ADGRD1: variants seen among roughly 807,000 people sequenced by gnomAD.
ADGRD1 encodes the protein adhesion G protein-coupled receptor D1.
A neutral mutation model predicts 113.4 loss-of-function variants in ADGRD1; 77 were observed. The ratio of observed to expected loss-of-function variants is 0.68; its 90% CI spans 0.57 to 0.82. The LOEUF (loss-of-function observed/expected upper bound fraction) is 0.82. Ranked by LOEUF, ADGRD1 falls within the 40% of genes least tolerant of loss-of-function variation. The probability of loss-of-function intolerance (pLI) is 0.00; values close to 1 mark genes in which losing one functional copy is unlikely to be tolerated. For synonymous variants in ADGRD1, 474 were observed against 475.0 expected, an observed-to-expected ratio of 1.00 and a Z score of 0.03; for missense variants, 1,036 against 1,139.1, an observed-to-expected ratio of 0.91 and a Z score of 1.30.
At chr12:131,104,983 C>T in intron 16 of ADGRD1, 49 bp downstream of exon 16, 1 of 1,258,364 alleles carries the variant, frequency 7.9e-7, no homozygotes, top group South Asian at 1.3e-5. Context: ...CCCCTGCCTG[C>T]ACCCAGATCT....
intron 13 of ADGRD1, among the ~76,000 whole-genome samples, chr12:131,062,675 T>C (rs1028005360): frequency 2.6e-5 from 4 of 152,180 alleles, no homozygotes; most frequent in Non-Finnish European, 5.9e-5. Flanking sequence ...CGGACTTTGC[T>C]CCTCATTAGG....
At chr12:131,019,086 T>A (rs1878990909) in intron 13 of ADGRD1, among the ~76,000 whole-genome samples, 1 of 152,202 alleles carries the variant, frequency 6.6e-6, no homozygotes, top group Non-Finnish European at 1.5e-5. Context: ...GGATTTTGCT[T>A]TTTAACATTG....
chr12:130,983,068 G>T (rs1464051005), intron 5 of ADGRD1, among the ~76,000 whole-genome samples: 1 of 152,192 alleles, frequency 6.6e-6, no homozygotes, highest in African/African-American at 2.4e-5. Flanking sequence ...AAACAGGCTG[G>T]ATCAAATCCC....
intron 8 of ADGRD1, among the ~76,000 whole-genome samples, chr12:130,993,274 C>T (rs1406510555): frequency 6.6e-6 from 1 of 151,956 alleles, no homozygotes; most frequent in Non-Finnish European, 1.5e-5. Context: ...CAAAGAAGCA[C>T]ATGCAGAGCC....
chr12:130,996,964 A>G (rs1875529036), intron 8 of ADGRD1, among the ~76,000 whole-genome samples: 2 of 113,250 alleles, frequency 1.8e-5, no homozygotes, highest in Non-Finnish European at 1.8e-5. Flanking sequence ...TGGGGGGCTG[A>G]CCCCCCAACC....
intron 13 of ADGRD1, among the ~76,000 whole-genome samples, chr12:131,072,668 C>T (rs930061718): frequency 9.2e-5 from 14 of 152,206 alleles, no homozygotes; most frequent in African/African-American, 3.1e-4. Context: ...GGACAGACCC[C>T]TTCAAGCTGC....
At chr12:131,013,894 C>G (rs937855577) in intron 12 of ADGRD1, among the ~76,000 whole-genome samples, 81 of 152,228 alleles carry the variant, frequency 5.3e-4, no homozygotes, top group African/African-American at 2.0e-3. Flanking sequence ...TTCTTATAAA[C>G]TCTTTGAGGT....
intron 13 of ADGRD1, 78 bp downstream of exon 13, chr12:131,014,418 T>A: frequency 1.5e-6 from 2 of 1,331,882 alleles, no homozygotes; most frequent in Non-Finnish European, 2.1e-6. Flanking sequence ...GTCTGTGTGC[T>A]TGCATAAAGA....
chr12:131,133,371 C>T (rs1343805736), intron 21 of ADGRD1, among the ~76,000 whole-genome samples: 3 of 152,240 alleles, frequency 2.0e-5, no homozygotes, highest in African/African-American at 7.2e-5. Context: ...CCCCATCCTC[C>T]CATCAGTGCC....
chr12:130,964,976 A>G (rs932222556), intron 2 of ADGRD1, among the ~76,000 whole-genome samples: 2 of 152,208 alleles, frequency 1.3e-5, no homozygotes, highest in Non-Finnish European at 1.5e-5. Context: ...CAAATTTTCT[A>G]ATACTCATAG....
At chr12:130,960,117 T>C in intron 2 of ADGRD1, among the ~76,000 whole-genome samples, 1 of 152,240 alleles carries the variant, frequency 6.6e-6, no homozygotes, top group East Asian at 1.9e-4. Flanking sequence ...GCCAATAAAT[T>C]GCAGGCCATT....
chr12:131,083,271 G>A (rs1379594700), intron 14 of ADGRD1, among the ~76,000 whole-genome samples: 1 of 152,098 alleles, frequency 6.6e-6, no homozygotes, highest in Non-Finnish European at 1.5e-5. Flanking sequence ...TCCAACTTCA[G>A]GGAAGAACCA....
At position 131,066,548 on chromosome 12, in the gene ADGRD1, G is replaced by A. The variant is rs1443284061; in HGVS notation, c.1474-10253G>A. Among the ~76,000 whole-genome samples the A allele has an allele frequency of 2.0e-5, 3 of 152,356 alleles. No homozygotes were observed. The East Asian group carries it at 5.8e-4, about 29-fold the overall frequency. On this transcript the variant is annotated intron_variant, in intron 13 of 24. Coordinates refer to ENST00000261654, the MANE Select transcript of ADGRD1 (RefSeq NM_198827.5). ...GTTCACGGAGTGCCCCTGCATGCCT[G>A]CCCCCGTTCAGGCTGTGAGGGAGAG...
At chr12:131,066,168 A>G (rs894731910) in intron 13 of ADGRD1, among the ~76,000 whole-genome samples, 36 of 152,368 alleles carry the variant, frequency 2.4e-4, no homozygotes, top group African/African-American at 8.4e-4. Context: ...TCCAGCAGTC[A>G]TAGGAGCCAC....
At chr12:131,109,907 T>A (rs1440750146) in intron 18 of ADGRD1, among the ~76,000 whole-genome samples, 1 of 152,232 alleles carries the variant, frequency 6.6e-6, no homozygotes, top group Non-Finnish European at 1.5e-5. Context: ...CTGTTTATAC[T>A]TACATCTTTC....
chr12:131,125,290 C>T (rs994697874), intron 20 of ADGRD1, among the ~76,000 whole-genome samples: 2 of 152,280 alleles, frequency 1.3e-5, no homozygotes, highest in African/African-American at 4.8e-5. Flanking sequence ...AGCCTAGACA[C>T]CCCGTTCCCC....
intron 11 of ADGRD1, among the ~76,000 whole-genome samples, chr12:131,005,225 G>T (rs1876931144): frequency 1.3e-5 from 2 of 152,158 alleles, no homozygotes; most frequent in South Asian, 4.1e-4. Flanking sequence ...AGGCAGGGAT[G>T]TCCCTACCCC....
At chr12:131,014,174 G>T in intron 12 of ADGRD1, 25 bp from the exon 13 acceptor site, 1 of 1,609,662 alleles carries the variant, frequency 6.2e-7, no homozygotes, top group South Asian at 1.1e-5. Context: ...TTCCCATTTT[G>T]TAATGATTTC....
At chr12:131,130,810 T>C (rs1950902344) in intron 20 of ADGRD1, among the ~76,000 whole-genome samples, 1 of 151,878 alleles carries the variant, frequency 6.6e-6, no homozygotes, top group Non-Finnish European at 1.5e-5. Context: ...GCCCTCCGAC[T>C]GCAGCTCCCT....
Sources: allele counts gnomAD v4.1 joint callset (sites outside exome capture counted in the v4.1 genomes callset), GRCh38; gene constraint gnomAD v4.1.1; transcripts MANE v1.5; gene names NCBI Gene and HGNC (gene_info 2026-07-23, HGNC 2026-07-21).